IQSEC3: variants seen among roughly 807,000 people sequenced by gnomAD.
IQSEC3 encodes IQ motif and SEC7 domain-containing protein 3.
In IQSEC3, 50 loss-of-function variants were observed where a neutral mutation model predicts 105.4. The ratio of observed to expected loss-of-function variants is 0.47; its 90% CI spans 0.38 to 0.60. The LOEUF is 0.60. Ranked by LOEUF, IQSEC3 falls within the 20% of genes least tolerant of loss-of-function variation. The pLI is 0.00. For missense variants in IQSEC3, 1,415 were observed against 1,630.0 expected, an observed-to-expected ratio of 0.87 and a Z score of 2.27; for synonymous variants, 708 against 746.0, an observed-to-expected ratio of 0.95 and a Z score of 0.83.
rs555461196 is a variant in IQSEC3 at position 173,771 on chromosome 12, C to A, written c.3115-828C>A. Among the ~76,000 whole-genome samples, 4 of 152,296 alleles carry A rather than the reference C, an allele frequency of 2.6e-5. No individual in the cohort carries two copies. In the East Asian group the frequency reaches 5.8e-4, roughly 22 times the overall value. Reference sequence around the variant, plus strand: ...TCTCCTTCCAGAATCCTCTAGCCTCCCTTCCACCCATCTCCTCCACCTCCC... The same window carrying A: ...TCTCCTTCCAGAATCCTCTAGCCTCACTTCCACCCATCTCCTCCACCTCCC... On this transcript the variant is annotated intron_variant, in intron 13 of 13. Coordinates refer to ENST00000538872, the MANE Select transcript of IQSEC3 (RefSeq NM_001170738.2).
intron 5 of IQSEC3, among the ~76,000 whole-genome samples, chr12:147,210 C>CT (rs1718380968): frequency 1.3e-5 from 2 of 152,130 alleles, no homozygotes; most frequent in African/African-American, 4.8e-5. Flanking sequence ...GAAGGGTCTT[C>CT]CGGGGTGTCA....
chr12:174,859 C>T lies in IQSEC3; in HGVS notation c.3375C>T (p.Ser1125=). The change falls in exon 14 of 14, where the codon TCC becomes TCT. Residue 1125 remains serine, a synonymous_variant. Coordinates refer to ENST00000538872, the MANE Select transcript of IQSEC3 (RefSeq NM_001170738.2). ...CTCTCTCCTGCTACACCTCGTCGTC[C>T]TCTGACTCCTGCGGCTCCACACCCC... ...SQALSCYTSS[S]SDSCGSTPLG... 2 of 1,579,396 alleles carry T rather than the reference C, an allele frequency of 1.3e-6. No individual in the cohort carries two copies. Among genetic ancestry groups the T allele is most frequent in the Non-Finnish European group, 1.7e-6 (2 of 1,171,434 alleles).
chr12:88,570 C>A (rs1555072641), intron 1 of IQSEC3, among the ~76,000 whole-genome samples: 1 of 152,194 alleles, frequency 6.6e-6, no homozygotes, highest in African/African-American at 2.4e-5. Flanking sequence ...CATCCTCTGG[C>A]AGGCTTGGGG....
chr12:110,927 T>C (rs1864862095), intron 2 of IQSEC3, among the ~76,000 whole-genome samples: 1 of 152,174 alleles, frequency 6.6e-6, no homozygotes, highest in Non-Finnish European at 1.5e-5. Flanking sequence ...ATGTCCTTCT[T>C]ACATTGTTCT....
intron 9 of IQSEC3, chr12:164,642 TTTA>T (rs1203039759): frequency 6.6e-6 from 1 of 152,250 alleles, no homozygotes; most frequent in African/African-American, 2.4e-5. Flanking sequence ...GCTGTTATGC[TTTA>T]TTGTTTGATC....
chr12:85,457 G>T (rs557191302), intron 1 of IQSEC3, among the ~76,000 whole-genome samples: 94 of 152,354 alleles, frequency 6.2e-4, no homozygotes, highest in Non-Finnish European at 1.2e-3. Context: ...AGCCCTCTTG[G>T]CTCCCTGCAA....
At chr12:145,314 A>G (rs1266016331) in intron 5 of IQSEC3, among the ~76,000 whole-genome samples, 2 of 152,096 alleles carry the variant, frequency 1.3e-5, no homozygotes, top group African/African-American at 2.4e-5. Flanking sequence ...TCTCTTTGTC[A>G]CCAGGGCTAC....
chr12:160,208 C>T (rs1465552620), intron 7 of IQSEC3, among the ~76,000 whole-genome samples: 1 of 151,356 alleles, frequency 6.6e-6, no homozygotes, highest in African/African-American at 2.4e-5. Flanking sequence ...CTTTCTCTTT[C>T]CTGGTATAGA....
Position 139,163 on chromosome 12 carries a change from C to A in IQSEC3, c.1800C>A (p.Ser600Arg), listed in dbSNP as rs782757021. Residue 600 changes from serine to arginine, a missense_variant, in exon 4 of 14, where the codon AGC becomes AGA. Physicochemically the swap from Ser to Arg is moderately radical, Grantham distance 110. This residue lies in a region of IQSEC3 where 720 missense variants were observed against 633.0 expected (regional missense o/e 1.14). Transcript: ENST00000538872. Reference protein sequence around the residue: ...EAGDLEQLSSSSTSTKSAKSG... With the variant: ...EAGDLEQLSSRSTSTKSAKSG... ...GCGACTTGGAGCAGCTGAGCAGCAG[C>A]AGCACGTCCACCAAGTCCGCCAAGT... 5 of 1,566,736 alleles carry A rather than the reference C, an allele frequency of 3.2e-6. No individual in the cohort carries two copies. The highest frequency in any genetic ancestry group is 3.5e-6 in the Non-Finnish European group (4 of 1,158,128).
At chr12:140,535 T>C (rs782049082) in intron 4 of IQSEC3, 1 of 152,250 alleles carries the variant, frequency 6.6e-6, no homozygotes, top group Non-Finnish European at 1.5e-5. Context: ...TGAAAATACA[T>C]TGTGGGCTAA....
intron 6 of IQSEC3, 57 bp from the exon 7 acceptor site, chr12:157,471 G>T: frequency 6.7e-7 from 1 of 1,495,866 alleles, no homozygotes. Flanking sequence ...CCTTTGTTGG[G>T]CCCGGGGGAG....
chr12:162,823 C>T (rs1866956799), intron 8 of IQSEC3, among the ~76,000 whole-genome samples: 1 of 152,182 alleles, frequency 6.6e-6, no homozygotes, highest in South Asian at 2.1e-4. Flanking sequence ...ACACCTGCAT[C>T]TCTGCAGTAT....
At chr12:90,964 G>A (rs1412098492) in intron 1 of IQSEC3, among the ~76,000 whole-genome samples, 1 of 152,168 alleles carries the variant, frequency 6.6e-6, no homozygotes, top group African/African-American at 2.4e-5. Context: ...AGTGATGGTG[G>A]TACCAAGATG....
In IQSEC3 at chr12:91,793, G is replaced by A. The variant is rs562745059; in HGVS notation, c.555-7353G>A. 9.3e-4 allele frequency among the ~76,000 whole-genome samples: 141 copies of A among 151,992 alleles called. 1 individual carries two copies. The highest frequency in any genetic ancestry group is 3.3e-3 in the African/African-American group (136 of 41,370). On this transcript the variant is annotated intron_variant, in intron 1 of 13. Coordinates refer to ENST00000538872, the MANE Select transcript of IQSEC3 (RefSeq NM_001170738.2). ...GAGACCCTGTCTCAAAAAAAAGAAA[G>A]AAAGAAAAGAAAGAAGCAGGGTTCT...
In IQSEC3 at chr12:171,168, G is replaced by A. The variant is rs782349116; in HGVS notation, c.3114+7G>A. On this transcript the variant is annotated splice_region_variant and intron_variant, in intron 13 of 13. Transcript: ENST00000538872. Reference sequence around the variant, plus strand: ...GGCGGAGAGCACGGTGGAGGTAAGTGGAGCCCTGGTTGCCCAGGTGAGTGA... The same window carrying A: ...GGCGGAGAGCACGGTGGAGGTAAGTAGAGCCCTGGTTGCCCAGGTGAGTGA... The A allele has an allele frequency of 1.9e-6, 3 of 1,614,090 alleles. No homozygotes were observed. The highest frequency in any genetic ancestry group is 2.5e-6 in the Non-Finnish European group (3 of 1,179,980).
Position 178,436 on chromosome 12 carries a change from T to C in IQSEC3, c.*3403T>C, listed in dbSNP as rs947934890. The C allele has an allele frequency of 6.6e-6, 1 of 152,222 alleles. No individual in the cohort carries two copies. The allele number at this position is 152,222 out of a possible 1,614,324, so 9.4% of individuals were successfully genotyped here. A position where few individuals can be genotyped will look rare whatever the true frequency, so the allele number is the denominator to read the frequency against. ...TCAATTCATAGAGTTTTAGAGATTA[T>C]ATTGAAAGATGTCACTTGAGCAAAC... On this transcript the variant is annotated 3_prime_UTR_variant, in exon 14 of 14. Transcript: ENST00000538872.
At position 157,042 on chromosome 12, in the gene IQSEC3, TG is replaced by T; in HGVS notation, c.2173del (p.Asp725ThrfsTer80). On this transcript the variant is annotated frameshift_variant, in exon 6 of 14. Transcript: ENST00000538872. LOFTEE classifies it high-confidence loss of function. The stretch of plus-strand genomic sequence containing the variant: ...GCCCTCAGCTGCGTGGTGGACGAGA[TG>T]GACTTCTCCAGCATGGAGCTGGACG... ...RDVLDCVVDEMDFSSMELDEA... is the reference protein window; with the variant it reads ...RDVLDCVVDEXDFSSMELDEA... The T allele has an allele frequency of 6.2e-7, 1 of 1,605,288 alleles. No individual in the cohort carries two copies. Among genetic ancestry groups the T allele is most frequent in the South Asian group, 1.1e-5 (1 of 89,278 alleles).
intron 1 of IQSEC3, among the ~76,000 whole-genome samples, chr12:89,071 A>C (rs1864004513): frequency 1.3e-5 from 2 of 152,134 alleles, no homozygotes; most frequent in African/African-American, 4.8e-5. Context: ...GTGAGCATAG[A>C]GTAGGGGCTG....
intron 2 of IQSEC3, among the ~76,000 whole-genome samples, chr12:116,971 A>G (rs1187156545): frequency 6.6e-6 from 1 of 152,164 alleles, no homozygotes; most frequent in African/African-American, 2.4e-5. Flanking sequence ...ACATGTGGAT[A>G]TTTTTCTGTA....
Sources: allele counts gnomAD v4.1 joint callset (sites outside exome capture counted in the v4.1 genomes callset), GRCh38; gene constraint gnomAD v4.1.1; regional missense constraint gnomAD v4.1.1; transcripts MANE v1.5; gene names NCBI Gene and HGNC (gene_info 2026-07-23, HGNC 2026-07-21).